Variants in SUN1 observed in about 807,000 individuals in gnomAD.
The protein encoded by SUN1 is Sad1 and UNC84 domain containing 1.
Under a neutral mutation model 103.2 loss-of-function variants are expected in SUN1, and 61 were observed. That is an observed-to-expected ratio of 0.59 (90% CI 0.48 to 0.73). The LOEUF is 0.73. SUN1 is among the 30% of genes least tolerant of loss of function. SUN1 has a pLI of 0.00. For missense variants in SUN1, 1,052 were observed against 1,034.6 expected, an observed-to-expected ratio of 1.02 and a Z score of -0.23; for synonymous variants, 490 against 425.7, an observed-to-expected ratio of 1.15 and a Z score of -1.86.
At chr7:853,331 A>T in intron 9 of SUN1, 78 bp from the exon 10 acceptor site, 1 of 1,528,918 alleles carries the variant, frequency 6.5e-7, no homozygotes, top group South Asian at 1.1e-5. Context: ...TTGCTGTAGG[A>T]CACTGTTTGG....
intron 12 of SUN1, among the ~76,000 whole-genome samples, chr7:857,336 C>T (rs1218247985): frequency 6.6e-6 from 1 of 152,076 alleles, no homozygotes; most frequent in African/African-American, 2.4e-5. Flanking sequence ...GTTGCTTTAA[C>T]GTGTTAATAT....
chr7:854,497 G>A (rs964756855), intron 10 of SUN1, among the ~76,000 whole-genome samples: 1 of 152,238 alleles, frequency 6.6e-6, no homozygotes. Context: ...GTGCTGCCCT[G>A]CTGGACAGCA....
At chr7:848,981 C>T (rs555662896) in intron 5 of SUN1, among the ~76,000 whole-genome samples, 2 of 152,270 alleles carry the variant, frequency 1.3e-5, no homozygotes, top group Admixed American at 6.5e-5. Context: ...GACGGAGTTT[C>T]ACTCTTGTTG....
intron 2 of SUN1, among the ~76,000 whole-genome samples, chr7:841,423 T>C (rs1475379164): frequency 2.0e-5 from 3 of 151,884 alleles, no homozygotes; most frequent in African/African-American, 4.8e-5. Context: ...TTTTGTATTT[T>C]AGTAGAGATG....
intron 15 of SUN1, among the ~76,000 whole-genome samples, chr7:864,770 AG>A (rs1433377630): frequency 6.6e-6 from 1 of 152,032 alleles, no homozygotes; most frequent in Non-Finnish European, 1.5e-5. Flanking sequence ...CTGGGACTAC[AG>A]GGGCGCGTCA....
At chr7:849,817 A>T in intron 5 of SUN1, 1 of 1,262,332 alleles carries the variant, frequency 7.9e-7, no homozygotes, top group Non-Finnish European at 1.1e-6. Flanking sequence ...TCTCGTGTGT[A>T]ATTGAGTTTC....
Position 841,694 on chromosome 7 carries a change from C to G in SUN1, c.267-252C>G, listed in dbSNP as rs1810127425. The G allele has an allele frequency of 6.7e-6, 3 of 447,792 alleles. No homozygotes were observed. The South Asian group carries it at 7.7e-5, about 11-fold the overall frequency. 27.7% of individuals were successfully genotyped at this position (447,792 alleles called of 1,614,324 possible). ...TCTAGTTTATTTTAGCTTTTAACCA[C>G]TTGGGGTCATGGTGCCCAAAATAAC... On this transcript the variant is annotated intron_variant, in intron 2 of 18. Coordinates refer to ENST00000401592, the MANE Select transcript of SUN1 (RefSeq NM_001130965.3).
At chr7:817,675 T>G (rs1050961300) in intron 1 of SUN1, among the ~76,000 whole-genome samples, 1 of 152,252 alleles carries the variant, frequency 6.6e-6, no homozygotes, top group Non-Finnish European at 1.5e-5. Flanking sequence ...GGCTTTTGTG[T>G]GTAATCTGTT....
At chr7:819,771 T>TGA (rs1471217546) in intron 1 of SUN1, among the ~76,000 whole-genome samples, 1 of 148,730 alleles carries the variant, frequency 6.7e-6, no homozygotes, top group East Asian at 2.0e-4. Context: ...TGCAGTGGCG[T>TGA]GATCTCGGCT....
chr7:851,716 C>G, intron 6 of SUN1: 1 of 626,426 alleles, frequency 1.6e-6, no homozygotes, highest in Non-Finnish European at 2.8e-6. Context: ...CCTGAATGCC[C>G]GGTGCAGAGA....
intron 18 of SUN1, 72 bp from the exon 19 acceptor site, chr7:873,143 T>G: frequency 3.0e-6 from 4 of 1,350,450 alleles, no homozygotes; most frequent in Non-Finnish European, 3.2e-6. Flanking sequence ...AGACGTCATA[T>G]TTGGGGAAGT....
chr7:842,813 A>G, intron 3 of SUN1: 1 of 304,734 alleles, frequency 3.3e-6, no homozygotes, highest in Non-Finnish European at 6.3e-6. Flanking sequence ...AAGCCTTGGT[A>G]TTGGTGTTTG....
intron 18 of SUN1, among the ~76,000 whole-genome samples, chr7:872,907 C>T (rs1448085727): frequency 6.6e-6 from 1 of 152,088 alleles, no homozygotes; most frequent in Admixed American, 6.6e-5. Flanking sequence ...ACCAACATGG[C>T]GAAACCCGGT....
chr7:832,558 C>A lies in SUN1; in HGVS notation c.34C>A (p.Pro12Thr), dbSNP rs1232081746. Residue 12 changes from proline to threonine, a missense_variant, in exon 1 of 19, where the codon CCC becomes ACC. Coordinates refer to ENST00000401592, the MANE Select transcript of SUN1 (RefSeq NM_001130965.3). ...DFSRLHMYSP[P>T]QCVPENTGYT... ...TTCTCGGCTTCACATGTACAGTCCT[C>A]CCCAGTGTGTGCCGGAGAACACGGG... is the stretch of plus-strand genomic sequence containing the variant. 1 of 1,613,186 alleles carries A rather than the reference C, an allele frequency of 6.2e-7. No individual in the cohort carries two copies. Among genetic ancestry groups the A allele is most frequent in the African/African-American group, 1.3e-5 (1 of 74,912 alleles).
intron 1 of SUN1, among the ~76,000 whole-genome samples, chr7:818,840 A>C (rs1783267171): frequency 6.7e-6 from 1 of 149,500 alleles, no homozygotes; most frequent in African/African-American, 2.5e-5. Context: ...AGAAATTCTC[A>C]TTCAGGTCCT....
At chr7:834,641 G>T (rs923096478) in intron 1 of SUN1, among the ~76,000 whole-genome samples, 8 of 152,140 alleles carry the variant, frequency 5.3e-5, no homozygotes, top group African/African-American at 1.9e-4. Context: ...AGCCCTCCCC[G>T]CACAGCTGGA....
At chr7:840,863 G>C (rs558932194) in intron 2 of SUN1, among the ~76,000 whole-genome samples, 1 of 151,714 alleles carries the variant, frequency 6.6e-6, no homozygotes, top group South Asian at 2.1e-4. Flanking sequence ...GGATGGTCCC[G>C]ATCTCCTGAC....
chr7:856,149 A>C (rs1198853775), intron 11 of SUN1, among the ~76,000 whole-genome samples: 5 of 152,190 alleles, frequency 3.3e-5, no homozygotes, highest in African/African-American at 1.2e-4. Context: ...GGCCGTTCTC[A>C]TGTGATTTGT....
intron 1 of SUN1, among the ~76,000 whole-genome samples, chr7:838,167 C>G (rs1388442275): frequency 6.6e-6 from 1 of 152,230 alleles, no homozygotes; most frequent in Non-Finnish European, 1.5e-5. Context: ...ATCCTCCTGC[C>G]TAGGCCTCCC....
Sources: gnomAD v4.1 joint callset for allele counts (sites outside exome capture counted in the v4.1 genomes callset) on GRCh38, gnomAD v4.1.1 for gene constraint, MANE v1.5 for transcripts, NCBI Gene and HGNC (gene_info 2026-07-23, HGNC 2026-07-21) for gene names.